Variants in DLGAP2 observed in about 807,000 individuals in gnomAD.
DLGAP2 encodes DLG associated protein 2, also known as disks large-associated protein 2.
Under a neutral mutation model 100.3 loss-of-function variants are expected in DLGAP2, and 26 were observed. That is an observed-to-expected ratio of 0.26 (90% CI 0.19 to 0.36). The LOEUF is 0.36. DLGAP2 is among the 10% of genes least tolerant of loss of function. The pLI, the probability that DLGAP2 is intolerant of heterozygous loss-of-function variation, is 1.00. For missense variants in DLGAP2, 1,858 were observed against 1,453.2 expected, an observed-to-expected ratio of 1.28 and a Z score of -4.53; for synonymous variants, 886 against 630.1, an observed-to-expected ratio of 1.41 and a Z score of -6.08.
chr8:847,767 A>G (rs949104730), intron 1 of DLGAP2, among the ~76,000 whole-genome samples: 1 of 152,186 alleles, frequency 6.6e-6, no homozygotes, highest in Non-Finnish European at 1.5e-5. Flanking sequence ...TCGGCCTCCC[A>G]AAGTGCTGGC....
rs866104369 is a variant in DLGAP2, at chr8:1,316,323, C to T, written c.106+57440C>T. Among the ~76,000 whole-genome samples, 72 of 79,184 alleles carry T rather than the reference C, an allele frequency of 9.1e-4. 1 individual carries two copies. The highest frequency in any genetic ancestry group is 1.2e-3 in the Non-Finnish European group (42 of 35,374). 51.9% of individuals were successfully genotyped at this position (79,184 alleles called of 152,430 possible). A position where few individuals can be genotyped will look rare whatever the true frequency, so the allele number is the denominator to read the frequency against. On this transcript the variant is annotated intron_variant, in intron 3 of 14. Transcript: ENST00000637795. ...GGTCTACACTCGAGAAACTTGGCAGCGTTTAAAAATAGAGCCTGTGCGAGT... is the reference window on the plus strand; with the variant it reads ...GGTCTACACTCGAGAAACTTGGCAGTGTTTAAAAATAGAGCCTGTGCGAGT...
At chr8:1,192,021 T>G (rs61119925) in intron 2 of DLGAP2, among the ~76,000 whole-genome samples, 1 of 152,152 alleles carries the variant, frequency 6.6e-6, no homozygotes, top group East Asian at 1.9e-4. Flanking sequence ...CCGGTTACCT[T>G]GTATGACTGG....
At chr8:1,318,778 GC>G (rs34614425) in intron 3 of DLGAP2, among the ~76,000 whole-genome samples, 28,457 of 105,696 alleles carry the variant, frequency 0.27, 3,911 homozygotes, top group South Asian at 0.43. Flanking sequence ...TCAGTGATCA[GC>G]CCCCCCCCCG....
At chr8:867,873 C>T (rs1357379210) in intron 1 of DLGAP2, among the ~76,000 whole-genome samples, 14 of 152,184 alleles carry the variant, frequency 9.2e-5, no homozygotes, top group Non-Finnish European at 1.5e-5. Flanking sequence ...CCACGTAACG[C>T]ATTTATGACA....
chr8:1,119,394 C>T (rs547559455), intron 2 of DLGAP2, among the ~76,000 whole-genome samples: 1 of 152,250 alleles, frequency 6.6e-6, no homozygotes, highest in Non-Finnish European at 1.5e-5. Flanking sequence ...TGTGCATCTA[C>T]TGCAGTGCGT....
intron 2 of DLGAP2, chr8:1,018,724 C>A (rs1038323985): frequency 1.3e-5 from 2 of 152,192 alleles, no homozygotes; most frequent in Admixed American, 6.5e-5. Flanking sequence ...TCCTTATCAA[C>A]TGGAAATATT....
At chr8:1,596,062 C>G (rs964011131) in intron 6 of DLGAP2, among the ~76,000 whole-genome samples, 1 of 149,550 alleles carries the variant, frequency 6.7e-6, no homozygotes, top group Non-Finnish European at 1.5e-5. Context: ...GTGATATTCC[C>G]TTCCCTGTGT....
At chr8:841,074 A>G (rs891543882) in intron 1 of DLGAP2, among the ~76,000 whole-genome samples, 4 of 152,168 alleles carry the variant, frequency 2.6e-5, no homozygotes, top group Non-Finnish European at 4.4e-5. Context: ...TTTATTTCTC[A>G]TATATAAATT....
chr8:1,036,533 C>G (rs907466288), intron 2 of DLGAP2, among the ~76,000 whole-genome samples: 4 of 152,310 alleles, frequency 2.6e-5, no homozygotes, highest in African/African-American at 9.6e-5. Context: ...GGCGCTGTCC[C>G]TCAGGTGCTG....
At chr8:1,110,562 T>G (rs1563197471) in intron 2 of DLGAP2, among the ~76,000 whole-genome samples, 1 of 150,584 alleles carries the variant, frequency 6.6e-6, no homozygotes. Flanking sequence ...GGTGTGCACG[T>G]GCCTGTGAAG....
In DLGAP2 at chr8:1,252,763, G is replaced by A. The variant is rs75724742; in HGVS notation, c.74-6088G>A. 9.4e-3 allele frequency among the ~76,000 whole-genome samples: 1,435 copies of A among 152,374 alleles called. 13 individuals are homozygous for A. The highest frequency in any genetic ancestry group is 0.023 in the South Asian group (113 of 4,834). ...TGTCATCTAGAGCTCCTGTTGAAGC[G>A]CGGCCGGATGTGGTGCCTCCAGGTG... On this transcript the variant is annotated intron_variant, in intron 2 of 14. Transcript: ENST00000637795.
At chr8:1,067,006 C>T (rs986882011) in intron 2 of DLGAP2, among the ~76,000 whole-genome samples, 5 of 152,130 alleles carry the variant, frequency 3.3e-5, no homozygotes, top group African/African-American at 9.7e-5. Context: ...CCCTGATGCC[C>T]GACTCTGACT....
chr8:799,918 G>T (rs1796113318), intron 1 of DLGAP2, among the ~76,000 whole-genome samples: 1 of 152,174 alleles, frequency 6.6e-6, no homozygotes, highest in Admixed American at 6.5e-5. Flanking sequence ...ATTATTAAAA[G>T]GGCTTAAGTC....
chr8:970,721 G>C (rs1483718202), intron 2 of DLGAP2, among the ~76,000 whole-genome samples: 1 of 152,082 alleles, frequency 6.6e-6, no homozygotes, highest in African/African-American at 2.4e-5. Context: ...TTAAAATTTA[G>C]TGTAGGAAAA....
intron 2 of DLGAP2, among the ~76,000 whole-genome samples, chr8:1,111,200 G>A (rs148841151): frequency 2.6e-5 from 4 of 152,224 alleles, no homozygotes; most frequent in African/African-American, 7.2e-5. Flanking sequence ...AAGAAAACAT[G>A]GAGAGAGGTG....
rs572369970 is a variant in DLGAP2 at position 763,704 on chromosome 8, T to G, written c.18+25879T>G. Among the ~76,000 whole-genome samples the G allele has an allele frequency of 1.4e-4, 21 of 151,522 alleles. 1 individual carries two copies. The South Asian group carries it at 4.0e-3, about 29-fold the overall frequency. ...CACACCTCACCGGGGACTCGGTGTG[T>G]CCTTCGTCTCAAAGACAATACGTGT... is the stretch of plus-strand genomic sequence containing the variant. On this transcript the variant is annotated intron_variant, in intron 1 of 14. Coordinates refer to ENST00000637795, the MANE Select transcript of DLGAP2 (RefSeq NM_001346810.2).
At chr8:955,087 T>C (rs1799566566) in intron 2 of DLGAP2, among the ~76,000 whole-genome samples, 1 of 152,078 alleles carries the variant, frequency 6.6e-6, no homozygotes. Context: ...AATATTGATC[T>C]CTGTGAAAGG....
At chr8:973,973 C>T (rs571120524) in intron 2 of DLGAP2, among the ~76,000 whole-genome samples, 79 of 151,534 alleles carry the variant, frequency 5.2e-4, no homozygotes, top group Non-Finnish European at 1.0e-3. Flanking sequence ...GCCACTCGGT[C>T]GCCAGAAAAG....
intron 2 of DLGAP2, among the ~76,000 whole-genome samples, chr8:982,539 A>G (rs1800365971): frequency 6.6e-6 from 1 of 152,222 alleles, no homozygotes; most frequent in Non-Finnish European, 1.5e-5. Flanking sequence ...TTCTTTGTCA[A>G]GGAAAAATAG....
Sources: gnomAD v4.1 joint callset for allele counts (sites outside exome capture counted in the v4.1 genomes callset) on GRCh38, gnomAD v4.1.1 for gene constraint, MANE v1.5 for transcripts, NCBI Gene and HGNC (gene_info 2026-07-23, HGNC 2026-07-21) for gene names.